Variants in ADARB2 observed in about 807,000 individuals in gnomAD.
The protein encoded by ADARB2 is adenosine deaminase RNA specific B2 (inactive), also known as inactive double-stranded RNA-specific editase B2.
In ADARB2, 25 loss-of-function variants were observed where a neutral mutation model predicts 62.2. The ratio of observed to expected loss-of-function variants is 0.40; its 90% CI spans 0.29 to 0.56. The LOEUF is 0.56. ADARB2 is among the 20% of genes least tolerant of loss of function. The pLI, the probability that ADARB2 is intolerant of heterozygous loss-of-function variation, is 0.43. For missense variants in ADARB2, 1,071 were observed against 1,077.4 expected (o/e 0.99, Z 0.08); for synonymous variants, 572 against 500.8 (o/e 1.14, Z -1.90).
intron 2 of ADARB2, among the ~76,000 whole-genome samples, chr10:1,370,238 G>A (rs1214038398): frequency 6.7e-6 from 1 of 150,070 alleles, no homozygotes; most frequent in Admixed American, 6.8e-5. Context: ...AAAGGCATTT[G>A]ATAAAATCCA....
At position 1,219,049 on chromosome 10, in the gene ADARB2, CAA is replaced by C. The variant is rs58282140; in HGVS notation, c.1514-1932_1514-1931del. On this transcript the variant is annotated intron_variant, in intron 6 of 9. Transcript: ENST00000381312. ...TGGGCGACAGAGCAAGACTACGTCT[CAA>C]AAAAAAAAAAAAAAAAAAGAGTGTG... Among the ~76,000 whole-genome samples, 63 of 103,584 alleles carry C rather than the reference CAA, an allele frequency of 6.1e-4. 1 individual carries two copies. The highest frequency in any genetic ancestry group is 2.1e-3 in the African/African-American group (59 of 28,082). The allele number at this position is 103,584 out of a possible 152,430, so 68.0% of individuals were successfully genotyped here. A position where few individuals can be genotyped will look rare whatever the true frequency, so the allele number is the denominator to read the frequency against.
At chr10:1,262,986 A>T (rs552772088) in intron 4 of ADARB2, among the ~76,000 whole-genome samples, 4 of 152,160 alleles carry the variant, frequency 2.6e-5, no homozygotes, top group South Asian at 2.1e-4. Context: ...TTGTAGGGAC[A>T]TGGATGAAAC....
chr10:1,361,876 TGC>T (rs1832260559), intron 3 of ADARB2, among the ~76,000 whole-genome samples: 2 of 152,248 alleles, frequency 1.3e-5, no homozygotes, highest in Admixed American at 6.5e-5. Flanking sequence ...CTGGGCTAAG[TGC>T]TTTTTAACTA....
At chr10:1,629,286 G>T (rs1052429240) in intron 1 of ADARB2, among the ~76,000 whole-genome samples, 1 of 152,128 alleles carries the variant, frequency 6.6e-6, no homozygotes, top group African/African-American at 2.4e-5. Context: ...CTGCCAGTTT[G>T]CAGTTGGTAA....
intron 3 of ADARB2, among the ~76,000 whole-genome samples, chr10:1,350,722 A>AT (rs1417786288): frequency 3.3e-5 from 5 of 152,202 alleles, no homozygotes; most frequent in Non-Finnish European, 5.9e-5. Context: ...CTGAAAGGTC[A>AT]AAAGGTCATC....
intron 1 of ADARB2, among the ~76,000 whole-genome samples, chr10:1,634,081 C>T (rs1246295841): frequency 6.6e-6 from 1 of 152,170 alleles, no homozygotes; most frequent in African/African-American, 2.4e-5. Context: ...CCCTCTCCCA[C>T]CCTCGCCTGC....
chr10:1,262,544 T>C (rs2131792064), intron 4 of ADARB2, among the ~76,000 whole-genome samples: 1 of 141,630 alleles, frequency 7.1e-6, no homozygotes, highest in Non-Finnish European at 1.6e-5. Flanking sequence ...ATGCTCATCA[T>C]CACTGGCTAT....
chr10:1,596,052 A>C (rs918774549), intron 1 of ADARB2, among the ~76,000 whole-genome samples: 4 of 152,208 alleles, frequency 2.6e-5, no homozygotes, highest in Admixed American at 1.3e-4. Context: ...ACTTGTTCAC[A>C]GAAAGAGTGA....
At chr10:1,646,167 G>C (rs866592287) in intron 1 of ADARB2, among the ~76,000 whole-genome samples, 1 of 149,292 alleles carries the variant, frequency 6.7e-6, no homozygotes, top group Non-Finnish European at 1.5e-5. Context: ...ATTTCCATTA[G>C]GACACACCCA....
chr10:1,490,300 A>G (rs1163751915), intron 1 of ADARB2, among the ~76,000 whole-genome samples: 6 of 152,168 alleles, frequency 3.9e-5, no homozygotes, highest in Non-Finnish European at 8.8e-5. Flanking sequence ...GATTATATGG[A>G]AATAATAATT....
intron 5 of ADARB2, 115 bp from the exon 6 acceptor site, chr10:1,233,960 T>G: frequency 1.0e-6 from 1 of 1,003,492 alleles, no homozygotes; most frequent in South Asian, 2.2e-5. Flanking sequence ...TTCCTTTATA[T>G]TTTTCCTTTT....
intron 3 of ADARB2, among the ~76,000 whole-genome samples, chr10:1,322,090 T>A (rs139954901): frequency 4.3e-4 from 66 of 152,196 alleles, no homozygotes; most frequent in South Asian, 4.2e-3. Flanking sequence ...CCTGGTGATA[T>A]TTCTAAATAA....
At chr10:1,326,948 G>GCCCAGCGCCTCCCCACT (rs1831860453) in intron 3 of ADARB2, among the ~76,000 whole-genome samples, 1 of 16,580 alleles carries the variant, frequency 6.0e-5, no homozygotes, top group Non-Finnish European at 1.4e-4. Flanking sequence ...GCCTCCCCAC[G>GCCCAGCGCCTCCCCACT]GCACAGCGCC....
chr10:1,422,478 G>A (rs909884149), intron 1 of ADARB2, among the ~76,000 whole-genome samples: 8 of 152,162 alleles, frequency 5.3e-5, no homozygotes, highest in African/African-American at 1.7e-4. Context: ...TCCACCAGAG[G>A]GGAAGGCACA....
At chr10:1,393,309 T>C (rs1007123732) in intron 1 of ADARB2, among the ~76,000 whole-genome samples, 1 of 152,252 alleles carries the variant, frequency 6.6e-6, no homozygotes, top group Non-Finnish European at 1.5e-5. Flanking sequence ...ATAACAATCA[T>C]ATCATGGAAA....
intron 8 of ADARB2, among the ~76,000 whole-genome samples, chr10:1,190,179 G>A (rs564138026): frequency 7.3e-5 from 11 of 151,382 alleles, no homozygotes; most frequent in Middle Eastern, 6.3e-3. Flanking sequence ...GCTGAGCTCC[G>A]AGGAGAAACG....
At position 1,460,078 on chromosome 10, in the gene ADARB2, G is replaced by T. The variant is rs1385382549; in HGVS notation, c.101-80918C>A. ...CTGCCTGTGACCTGAGTTTACCTGC[G>T]TAACGAACCTGCCTGTGACCTGAGT... is the stretch of plus-strand genomic sequence containing the variant. On this transcript the variant is annotated intron_variant, in intron 1 of 9. Coordinates refer to ENST00000381312, the MANE Select transcript of ADARB2 (RefSeq NM_018702.4). 1.7e-4 allele frequency among the ~76,000 whole-genome samples: 10 copies of T among 58,642 alleles called. 1 individual carries two copies. Among genetic ancestry groups the T allele is most frequent in the African/African-American group, 4.6e-4 (8 of 17,512 alleles). The allele number at this position is 58,642 out of a possible 152,430, so 38.5% of individuals were successfully genotyped here. A position where few individuals can be genotyped will look rare whatever the true frequency, so the allele number is the denominator to read the frequency against.
chr10:1,540,362 G>C (rs1033704976), intron 1 of ADARB2, among the ~76,000 whole-genome samples: 2 of 142,838 alleles, frequency 1.4e-5, no homozygotes, highest in Non-Finnish European at 3.2e-5. Context: ...CCGCCCTCCT[G>C]GTCTGGCTGC....
intron 1 of ADARB2, among the ~76,000 whole-genome samples, chr10:1,456,562 G>A (rs1168378573): frequency 6.6e-6 from 1 of 152,058 alleles, no homozygotes; most frequent in Admixed American, 6.6e-5. Context: ...AGGGGGTCTC[G>A]TGAACCCAGC....
Sources: gnomAD v4.1 joint callset for allele counts (sites outside exome capture counted in the v4.1 genomes callset) on GRCh38, gnomAD v4.1.1 for gene constraint, MANE v1.5 for transcripts, NCBI Gene and HGNC (gene_info 2026-07-23, HGNC 2026-07-21) for gene names.